Variants in GREB1 observed in about 807,000 individuals in gnomAD.
GREB1 encodes the protein growth regulating estrogen receptor binding 1.
Under a neutral mutation model 200.7 loss-of-function variants are expected in GREB1, and 106 were observed. The ratio of observed to expected loss-of-function variants is 0.53; its 90% CI spans 0.45 to 0.62. GREB1 has a LOEUF of 0.62. Among genes scored for constraint, GREB1 ranks in the 20% least tolerant of loss-of-function variants. The pLI, the probability that GREB1 is intolerant of heterozygous loss-of-function variation, is 0.00. For synonymous variants in GREB1, 1,132 were observed against 1,092.4 expected, an observed-to-expected ratio of 1.04 and a Z score of -0.72; for missense variants, 2,243 against 2,556.8, an observed-to-expected ratio of 0.88 and a Z score of 2.65.
chr2:11,607,814 AAGAG>A (rs1483670188), intron 17 of GREB1, among the ~76,000 whole-genome samples: 1 of 152,086 alleles, frequency 6.6e-6, no homozygotes, highest in Non-Finnish European at 1.5e-5. Context: ...TTTTCAGAAA[AAGAG>A]AGAGATGTAT....
chr2:11,640,277 C>G lies in GREB1; in HGVS notation c.5687-14C>G. 1 of 1,603,552 alleles carries G rather than the reference C, an allele frequency of 6.2e-7. No individual in the cohort carries two copies. Among genetic ancestry groups the G allele is most frequent in the Non-Finnish European group, 8.5e-7 (1 of 1,174,032 alleles). ...ACCTTTTCCCTTCCCACACCTCTGC[C>G]GTTGTCCACGCAGGTGCGACGTTGT... is the stretch of plus-strand genomic sequence containing the variant. On this transcript the variant is annotated splice_polypyrimidine_tract_variant and intron_variant, in intron 32 of 32. Transcript: ENST00000381486. The surrounding 1 kb of genome is among the most constrained non-coding windows in gnomAD (Gnocchi z 4.6).
rs1685709533 is a variant in GREB1, at chr2:11,640,190, A to G, written c.5687-101A>G. The G allele has an allele frequency of 3.4e-6, 4 of 1,174,978 alleles. No individual in the cohort carries two copies. The African/African-American group carries it at 4.6e-5, about 14-fold the overall frequency. The allele number at this position is 1,174,978 out of a possible 1,614,324, so 72.8% of individuals were successfully genotyped here. A position where few individuals can be genotyped will look rare whatever the true frequency, so the allele number is the denominator to read the frequency against. Reference sequence around the variant, plus strand: ...TTGGATGCCGCTTCTGCCCTTCCCAACAGCGCCCTGTCTTGTCATTGCAAG... The same window carrying G: ...TTGGATGCCGCTTCTGCCCTTCCCAGCAGCGCCCTGTCTTGTCATTGCAAG... On this transcript the variant is annotated intron_variant, in intron 32 of 32. Transcript: ENST00000381486. This position sits in a 1 kb window ranked among gnomAD's most constrained non-coding sequence, Gnocchi z 4.6.
At chr2:11,571,043 A>G (rs1389889617) in intron 4 of GREB1, among the ~76,000 whole-genome samples, 2 of 151,990 alleles carry the variant, frequency 1.3e-5, no homozygotes, top group Non-Finnish European at 2.9e-5. Context: ...CTCTGGATAT[A>G]TATATATATA....
upstream of GREB1, among the ~76,000 whole-genome samples, chr2:11,533,802 C>T (rs540771919): frequency 3.9e-5 from 6 of 152,250 alleles, no homozygotes; most frequent in East Asian, 7.7e-4. Flanking sequence ...CATGCTCTCC[C>T]GCCATGTTCT....
chr2:11,615,596 C>G (rs1391777733), intron 20 of GREB1, among the ~76,000 whole-genome samples: 2 of 152,184 alleles, frequency 1.3e-5, no homozygotes, highest in African/African-American at 4.8e-5. Flanking sequence ...ATTAAGATTT[C>G]TTAGAGTTCA....
chr2:11,529,370 C>A (rs1673988706), upstream of GREB1, among the ~76,000 whole-genome samples: 1 of 152,206 alleles, frequency 6.6e-6, no homozygotes, highest in Admixed American at 6.5e-5. Flanking sequence ...TCACTAGTAA[C>A]AAGGGAAGTG....
In GREB1 at chr2:11,614,999, G is replaced by T; in HGVS notation, c.3123-92G>T. On this transcript the variant is annotated intron_variant, in intron 19 of 32. Coordinates refer to ENST00000381486, the MANE Select transcript of GREB1 (RefSeq NM_014668.4). The stretch of plus-strand genomic sequence containing the variant: ...CTTGGGTCCTCACCAGGAAGGTGGG[G>T]TGTGGTCCCGATCAGTGCTGCCTGC... The T allele has an allele frequency of 3.2e-6, 3 of 932,552 alleles. No homozygotes were observed. The South Asian group carries it at 4.1e-5, about 13-fold the overall frequency. 57.8% of individuals were successfully genotyped at this position (932,552 alleles called of 1,614,324 possible). A position where few individuals can be genotyped will look rare whatever the true frequency, so the allele number is the denominator to read the frequency against.
chr2:11,538,643 T>TCCC, intron 1 of GREB1, among the ~76,000 whole-genome samples: 1 of 24,102 alleles, frequency 4.1e-5, no homozygotes, highest in Admixed American at 4.3e-4. Flanking sequence ...CTTTCTTTCT[T>TCCC]TCTTTCTTTC....
Position 11,618,693 on chromosome 2 carries a change from A to G in GREB1, c.3818A>G (p.Asp1273Gly). The stretch of plus-strand genomic sequence containing the variant: ...GTGTACGACATGGTTGTGTCCACTG[A>G]CAGCAGTGGCCTGCCCAAGGCCGCC... ...KLVYDMVVST[D>G]SSGLPKAASL... is the part of the protein sequence containing the mutation. The change falls in exon 22 of 33, where the codon GAC becomes GGC. Residue 1273 changes from aspartate (D) to glycine (G), a missense_variant. Physicochemically the swap from Asp to Gly is moderately conservative, Grantham distance 94. Around this residue, in one of 3 missense-constraint regions of GREB1, gnomAD observed 587 missense variants for 553.1 expected, o/e 1.06. Transcript: ENST00000381486. 4 of 1,613,674 alleles carry G rather than the reference A, an allele frequency of 2.5e-6. No homozygotes were observed. The highest frequency in any genetic ancestry group is 3.4e-6 in the Non-Finnish European group (4 of 1,179,898).
rs1227822452 is a variant in GREB1 at position 11,502,418 on chromosome 2, C to T, written c.-159+20037C>T. Among the ~76,000 whole-genome samples, 7 of 148,650 alleles carry T rather than the reference C, an allele frequency of 4.7e-5. No homozygotes were observed. In the East Asian group the frequency reaches 6.0e-4, roughly 13 times the overall value. On this transcript the variant is annotated intron_variant, in intron 1 of 2. Coordinates refer to the GREB1 transcript ENST00000628795. Reference sequence around the variant, plus strand: ...TTTTTTTTTTGTAGAAATAGGGTCTCGCCATGTTGCCCAGGCTGGTCTTGA... The same window carrying T: ...TTTTTTTTTTGTAGAAATAGGGTCTTGCCATGTTGCCCAGGCTGGTCTTGA...
intron 2 of GREB1, among the ~76,000 whole-genome samples, chr2:11,557,613 G>A (rs1435111643): frequency 2.0e-5 from 3 of 152,236 alleles, no homozygotes; most frequent in Non-Finnish European, 4.4e-5. Flanking sequence ...AGAACGAGGT[G>A]TGGAGGTGCT....
At chr2:11,544,554 A>C (rs193042091) in intron 1 of GREB1, among the ~76,000 whole-genome samples, 1 of 152,156 alleles carries the variant, frequency 6.6e-6, no homozygotes, top group East Asian at 1.9e-4. Flanking sequence ...CCTGTGGGCA[A>C]ACTTTTGGCT....
At chr2:11,556,376 C>A (rs1351439321) in intron 1 of GREB1, 78 bp from the exon 2 acceptor site, 2 of 367,836 alleles carry the variant, frequency 5.4e-6, no homozygotes, top group African/African-American at 4.1e-5. Flanking sequence ...GTGAAACAGT[C>A]TAAGAGGTGT....
At position 11,600,290 on chromosome 2, in the gene GREB1, C is replaced by A. The variant is rs917754865; in HGVS notation, c.2334-510C>A. Reference sequence around the variant, plus strand: ...AAACTTACAGGAGAGAATGCAAAGGCCTTTGTCCCACGGAAAAGTGCAGAG... The same window carrying A: ...AAACTTACAGGAGAGAATGCAAAGGACTTTGTCCCACGGAAAAGTGCAGAG... On this transcript the variant is annotated intron_variant, in intron 15 of 32. Transcript: ENST00000381486. Among the ~76,000 whole-genome samples the A allele has an allele frequency of 7.9e-5, 12 of 152,206 alleles. No individual in the cohort carries two copies. The East Asian group carries it at 1.2e-3, about 15-fold the overall frequency.
intron 7 of GREB1, among the ~76,000 whole-genome samples, chr2:11,583,556 C>T (rs760250004): frequency 4.6e-5 from 7 of 152,206 alleles, no homozygotes; most frequent in Non-Finnish European, 7.4e-5. Context: ...CACCCTGCAG[C>T]GTGCTTAAAA....
At chr2:11,601,428 C>G (rs1364254855) in intron 16 of GREB1, among the ~76,000 whole-genome samples, 1 of 152,190 alleles carries the variant, frequency 6.6e-6, no homozygotes, top group Non-Finnish European at 1.5e-5. Context: ...TTCAGAATCT[C>G]CTTCCTCAAA....
rs370142758 is a variant in GREB1, at chr2:11,620,698, A to G, written c.4045-207A>G. 2.2e-4 allele frequency among the ~76,000 whole-genome samples: 33 copies of G among 152,344 alleles called. No individual in the cohort carries two copies. The East Asian group carries it at 2.5e-3, about 12-fold the overall frequency. ...AGAGATGCGTGTGCGACGATATTTA[A>G]GCAGGAAGGCCTTATGCTCGTGGGA... On this transcript the variant is annotated intron_variant, in intron 22 of 32. Coordinates refer to ENST00000381486, the MANE Select transcript of GREB1 (RefSeq NM_014668.4).
chr2:11,568,783 A>G (rs768982523), intron 4 of GREB1, among the ~76,000 whole-genome samples: 5 of 152,212 alleles, frequency 3.3e-5, no homozygotes, highest in Non-Finnish European at 5.9e-5. Context: ...CGAGGAGAGG[A>G]AGTGTAGGAG....
At chr2:11,583,058 C>T (rs1019536986) in intron 7 of GREB1, among the ~76,000 whole-genome samples, 1 of 152,304 alleles carries the variant, frequency 6.6e-6, no homozygotes, top group Non-Finnish European at 1.5e-5. Context: ...CAAATAGTAC[C>T]TCCCCAAGAG....
Sources: gnomAD v4.1 joint callset for allele counts (sites outside exome capture counted in the v4.1 genomes callset) on GRCh38, gnomAD v4.1.1 for gene constraint, gnomAD v4.1.1 regional missense constraint, Gnocchi (gnomAD v3.1) non-coding constraint, MANE v1.5 for transcripts, NCBI Gene and HGNC (gene_info 2026-07-23, HGNC 2026-07-21) for gene names.